CDH13: variants seen among roughly 807,000 people sequenced by gnomAD.
The protein encoded by CDH13 is cadherin 13.
Under a neutral mutation model 63.8 loss-of-function variants are expected in CDH13, and 24 were observed. The ratio of observed to expected loss-of-function variants is 0.38; its 90% CI spans 0.27 to 0.53. CDH13 has a LOEUF of 0.53. Among genes scored for constraint, CDH13 ranks in the 20% least tolerant of loss-of-function variants. The pLI, the probability that CDH13 is intolerant of heterozygous loss-of-function variation, is 0.85. For missense variants in CDH13, 1,049 were observed against 903.1 expected, an observed-to-expected ratio of 1.16 and a Z score of -2.07; for synonymous variants, 503 against 355.3, an observed-to-expected ratio of 1.42 and a Z score of -4.67.
At chr16:83,129,020 C>T (rs768701809) in intron 4 of CDH13, among the ~76,000 whole-genome samples, 11 of 152,254 alleles carry the variant, frequency 7.2e-5, no homozygotes, top group Middle Eastern at 3.4e-3. Flanking sequence ...TTTGAAGGTA[C>T]GTATTTTCCT....
At chr16:83,177,920 G>C (rs2038193235) in intron 4 of CDH13, among the ~76,000 whole-genome samples, 2 of 152,138 alleles carry the variant, frequency 1.3e-5, no homozygotes, top group African/African-American at 2.4e-5. Context: ...CTTGTTCACG[G>C]ATGTATTCCC....
intron 3 of CDH13, among the ~76,000 whole-genome samples, chr16:83,090,180 C>A (rs1403324898): frequency 6.6e-6 from 1 of 152,194 alleles, no homozygotes; most frequent in Non-Finnish European, 1.5e-5. Context: ...CAACTACCTC[C>A]CACTTTTCCT....
At chr16:83,097,391 A>G (rs989745366) in intron 3 of CDH13, among the ~76,000 whole-genome samples, 2 of 152,206 alleles carry the variant, frequency 1.3e-5, no homozygotes, top group East Asian at 1.9e-4. Flanking sequence ...ATATAACACT[A>G]GTCTTCTATT....
At position 83,163,352 on chromosome 16, in the gene CDH13, C is replaced by G. The variant is rs565117046; in HGVS notation, c.483+37851C>G. 6.6e-5 allele frequency among the ~76,000 whole-genome samples: 10 copies of G among 152,158 alleles called. No homozygotes were observed. In the East Asian group the frequency reaches 1.9e-3, roughly 29 times the overall value. On this transcript the variant is annotated intron_variant, in intron 4 of 13. Transcript: ENST00000567109. ...CTCTGCATTGGTTCAGAGTCCATCT[C>G]TTCCACTGGGATGTCCATCTTGTGG...
chr16:83,672,791 T>C (rs1477634230), intron 9 of CDH13, among the ~76,000 whole-genome samples: 3 of 152,170 alleles, frequency 2.0e-5, no homozygotes, highest in Non-Finnish European at 4.4e-5. Context: ...AGGCCTGAGC[T>C]CCAGGATATG....
intron 7 of CDH13, among the ~76,000 whole-genome samples, chr16:83,571,431 G>A (rs1904611389): frequency 1.3e-5 from 2 of 152,132 alleles, no homozygotes; most frequent in Non-Finnish European, 2.9e-5. Context: ...GGCCCTTAAA[G>A]CAATAAGATA....
At chr16:83,145,203 A>G (rs187793888) in intron 4 of CDH13, among the ~76,000 whole-genome samples, 202 of 152,324 alleles carry the variant, frequency 1.3e-3, no homozygotes, top group African/African-American at 4.6e-3. Flanking sequence ...TCAGGGTGCC[A>G]TGAGCTGCAA....
intron 1 of CDH13, among the ~76,000 whole-genome samples, chr16:82,767,551 G>A (rs982055552): frequency 6.6e-6 from 1 of 152,186 alleles, no homozygotes; most frequent in African/African-American, 2.4e-5. Context: ...TAAATTCCCT[G>A]TGCCAAACAC....
intron 3 of CDH13, among the ~76,000 whole-genome samples, chr16:83,082,133 T>C (rs2033296238): frequency 6.6e-6 from 1 of 152,146 alleles, no homozygotes; most frequent in African/African-American, 2.4e-5. Context: ...AATCTCCAAA[T>C]GTTATCACAT....
At chr16:83,264,701 C>A (rs904430052) in intron 5 of CDH13, among the ~76,000 whole-genome samples, 1 of 151,294 alleles carries the variant, frequency 6.6e-6, no homozygotes, top group African/African-American at 2.4e-5. Flanking sequence ...CTGCCTACCC[C>A]TAATTTCTAA....
chr16:82,678,012 C>G lies in CDH13; in HGVS notation c.45+50875C>G, dbSNP rs113520720. ...CAAATCTAGCATAATTTTAATGAAT[C>G]GTGGTCAGAATAGTAAGAAGCATTG... On this transcript the variant is annotated intron_variant, in intron 1 of 13. Transcript: ENST00000567109. 5.2e-3 allele frequency among the ~76,000 whole-genome samples: 797 copies of G among 152,168 alleles called. 8 individuals are homozygous for G. Among genetic ancestry groups the G allele is most frequent in the African/African-American group, 0.018 (747 of 41,516 alleles).
intron 10 of CDH13, among the ~76,000 whole-genome samples, chr16:83,745,562 C>T (rs1223366887): frequency 2.0e-5 from 3 of 152,106 alleles, no homozygotes; most frequent in Non-Finnish European, 4.4e-5. Context: ...TGTCCTGGGT[C>T]GCCATGAGGC....
chr16:83,604,367 G>C (rs1488449297), intron 8 of CDH13, among the ~76,000 whole-genome samples: 1 of 152,058 alleles, frequency 6.6e-6, no homozygotes, highest in African/African-American at 2.4e-5. Flanking sequence ...GTTCTAATTA[G>C]TTCCAAACAA....
intron 7 of CDH13, among the ~76,000 whole-genome samples, chr16:83,507,746 T>A (rs1243211594): frequency 6.6e-6 from 1 of 151,904 alleles, no homozygotes; most frequent in Non-Finnish European, 1.5e-5. Flanking sequence ...TAGTAAAAAA[T>A]TTATGAGGGC....
chr16:83,282,642 GCTC>G (rs2089208791), intron 5 of CDH13, among the ~76,000 whole-genome samples: 1 of 152,170 alleles, frequency 6.6e-6, no homozygotes, highest in African/African-American at 2.4e-5. Flanking sequence ...TGTAAAAAGA[GCTC>G]CTGTAAATCA....
chr16:83,028,210 T>C (rs1460895011), intron 2 of CDH13, among the ~76,000 whole-genome samples: 1 of 152,216 alleles, frequency 6.6e-6, no homozygotes, highest in Non-Finnish European at 1.5e-5. Context: ...AGTGGATGAA[T>C]ACTAATTGAT....
At chr16:83,478,868 G>T (rs978941119) in intron 6 of CDH13, among the ~76,000 whole-genome samples, 30 of 149,016 alleles carry the variant, frequency 2.0e-4, no homozygotes, top group African/African-American at 7.1e-4. Flanking sequence ...AAAAGAAAAA[G>T]CTGAATGATG....
chr16:82,806,412 T>G (rs754494319), intron 1 of CDH13, among the ~76,000 whole-genome samples: 3 of 152,224 alleles, frequency 2.0e-5, no homozygotes, highest in Admixed American at 6.5e-5. Flanking sequence ...ATTTAGAATT[T>G]GAAATACAAG....
intron 1 of CDH13, among the ~76,000 whole-genome samples, chr16:82,709,828 C>T (rs1210608441): frequency 1.3e-5 from 2 of 152,086 alleles, no homozygotes; most frequent in Non-Finnish European, 2.9e-5. Flanking sequence ...GGGAAGAAAT[C>T]ATAGGCAGAC....
Sources: allele counts gnomAD v4.1 joint callset (sites outside exome capture counted in the v4.1 genomes callset), GRCh38; gene constraint gnomAD v4.1.1; transcripts MANE v1.5; gene names NCBI Gene and HGNC (gene_info 2026-07-23, HGNC 2026-07-21).